The following FAM110B variants were observed in gnomAD, a reference collection of about 807,000 sequenced individuals.
The protein encoded by FAM110B is protein FAM110B.
Under a neutral mutation model 20.4 loss-of-function variants are expected in FAM110B, and 6 were observed. The ratio of observed to expected loss-of-function variants is 0.29; its 90% CI spans 0.16 to 0.58. FAM110B has a LOEUF of 0.58. Ranked by LOEUF, FAM110B falls within the 20% of genes least tolerant of loss-of-function variation. FAM110B has a pLI of 0.90. For synonymous variants in FAM110B, 226 were observed against 214.1 expected (o/e 1.06, Z -0.49); for missense variants, 434 against 498.2 (o/e 0.87, Z 1.23).
chr8:58,074,319 C>T lies in FAM110B; in HGVS notation c.-413-1216C>T, dbSNP rs138853822. ...CCTGTCCATGCCACCTGCTTTCCAT[C>T]GGTGGGCCCGTCCATTGCCACACAG... On this transcript the variant is annotated intron_variant, in intron 2 of 3. Coordinates refer to ENST00000519262, the MANE Select transcript of FAM110B (RefSeq NM_001377989.1). Among the ~76,000 whole-genome samples, 451 of 152,252 alleles carry T rather than the reference C, an allele frequency of 3.0e-3. 7 individuals are homozygous for T. Among genetic ancestry groups the T allele is most frequent in the African/African-American group, 9.8e-3 (406 of 41,552 alleles).
chr8:57,995,092 G>C (rs1563491264), intron 1 of FAM110B, among the ~76,000 whole-genome samples: 1 of 152,114 alleles, frequency 6.6e-6, no homozygotes, highest in Non-Finnish European at 1.5e-5. Flanking sequence ...TTGGCTGCAC[G>C]TCCCGGGCTC....
chr8:58,116,322 A>G (rs1245919471), intron 3 of FAM110B, among the ~76,000 whole-genome samples: 1 of 152,136 alleles, frequency 6.6e-6, no homozygotes, highest in African/African-American at 2.4e-5. Flanking sequence ...CCTGGATGCA[A>G]AACCTCACAG....
chr8:58,093,032 G>A (rs2150604723), intron 3 of FAM110B, among the ~76,000 whole-genome samples: 2 of 152,250 alleles, frequency 1.3e-5, no homozygotes, highest in Middle Eastern at 3.4e-3. Flanking sequence ...TTTTTTGGCT[G>A]CATAAATGTC....
intron 3 of FAM110B, among the ~76,000 whole-genome samples, chr8:58,086,596 C>T (rs13254335): frequency 0.021 from 3,234 of 152,252 alleles, 48 homozygotes; most frequent in Middle Eastern, 0.041. Context: ...TGGCACTTAA[C>T]GTTACGCATA....
chr8:58,135,216 C>A (rs1396356888), intron 3 of FAM110B, among the ~76,000 whole-genome samples: 1 of 152,088 alleles, frequency 6.6e-6, no homozygotes, highest in African/African-American at 2.4e-5. Flanking sequence ...GGGATAACAA[C>A]ACTTGGTTTA....
chr8:58,035,418 G>GA (rs1458108368), intron 2 of FAM110B, among the ~76,000 whole-genome samples: 1 of 152,146 alleles, frequency 6.6e-6, no homozygotes, highest in South Asian at 2.1e-4. Flanking sequence ...GTATATTAGA[G>GA]AATTTTCTTA....
intron 3 of FAM110B, among the ~76,000 whole-genome samples, chr8:58,129,809 AC>A: frequency 6.6e-6 from 1 of 152,162 alleles, no homozygotes. Flanking sequence ...TTCCGCTCTT[AC>A]TTTTTTCATC....
intron 1 of FAM110B, among the ~76,000 whole-genome samples, chr8:58,017,168 C>T (rs148060915): frequency 2.6e-4 from 40 of 152,298 alleles, no homozygotes; most frequent in Non-Finnish European, 5.1e-4. Context: ...GCCCATCATG[C>T]ATGTTTTCTT....
chr8:58,001,078 G>A (rs919513918), intron 1 of FAM110B, among the ~76,000 whole-genome samples: 11 of 152,158 alleles, frequency 7.2e-5, no homozygotes, highest in South Asian at 2.1e-4. Flanking sequence ...GTTTTATAAT[G>A]TTTTGGTAAA....
intron 1 of FAM110B, among the ~76,000 whole-genome samples, chr8:58,010,650 C>T (rs1804513281): frequency 1.3e-5 from 2 of 152,276 alleles, no homozygotes; most frequent in African/African-American, 4.8e-5. Context: ...TAAATGAAAC[C>T]ATAGTCCCTG....
chr8:58,104,317 G>C (rs945994787), intron 3 of FAM110B, among the ~76,000 whole-genome samples: 3 of 152,130 alleles, frequency 2.0e-5, no homozygotes, highest in Admixed American at 1.3e-4. Flanking sequence ...GAGCACCTGA[G>C]AGCAGCTAAG....
intron 3 of FAM110B, among the ~76,000 whole-genome samples, chr8:58,086,405 C>A (rs1239961877): frequency 7.2e-5 from 11 of 152,190 alleles, no homozygotes; most frequent in Non-Finnish European, 1.2e-4. Context: ...ATTAATAATA[C>A]TTCATGTTAT....
chr8:58,075,866 C>T (rs918458065), intron 3 of FAM110B, among the ~76,000 whole-genome samples: 3 of 152,316 alleles, frequency 2.0e-5, no homozygotes, highest in South Asian at 4.1e-4. Flanking sequence ...TCATGATACA[C>T]CTTCTACATA....
chr8:58,047,172 A>G (rs1268780767), intron 2 of FAM110B, among the ~76,000 whole-genome samples: 1 of 152,218 alleles, frequency 6.6e-6, no homozygotes, highest in Non-Finnish European at 1.5e-5. Flanking sequence ...TTCCTATGAA[A>G]ACAGTGAAGA....
intron 3 of FAM110B, among the ~76,000 whole-genome samples, chr8:58,076,785 C>T (rs1164207666): frequency 6.6e-6 from 1 of 152,186 alleles, no homozygotes; most frequent in Non-Finnish European, 1.5e-5. Flanking sequence ...GAGCCTCAGC[C>T]TCAGTGCCCA....
intron 3 of FAM110B, among the ~76,000 whole-genome samples, chr8:58,085,649 C>A (rs553115828): frequency 6.6e-6 from 1 of 152,278 alleles, no homozygotes; most frequent in East Asian, 1.9e-4. Flanking sequence ...ATAAGGAATG[C>A]TGGAATACCT....
chr8:58,035,606 G>A (rs566954083), intron 2 of FAM110B, among the ~76,000 whole-genome samples: 238 of 152,274 alleles, frequency 1.6e-3, no homozygotes, highest in African/African-American at 4.9e-3. Context: ...CCCAGGCCTG[G>A]CATTAAGCAT....
intron 2 of FAM110B, among the ~76,000 whole-genome samples, chr8:58,073,076 AT>A (rs1378717739): frequency 2.0e-5 from 3 of 152,214 alleles, no homozygotes; most frequent in Non-Finnish European, 4.4e-5. Context: ...TTGGAAAAAT[AT>A]GTAAAGAGAT....
chr8:58,033,112 A>G lies in FAM110B; in HGVS notation c.-414+1409A>G, dbSNP rs542131578. Among the ~76,000 whole-genome samples the G allele has an allele frequency of 6.6e-5, 10 of 151,964 alleles. No homozygotes were observed. In the East Asian group the frequency reaches 1.6e-3, roughly 24 times the overall value. On this transcript the variant is annotated intron_variant, in intron 2 of 3. Transcript: ENST00000519262. ...GCCTTTTGCTCCCATTTTTATATCC[A>G]TGTGTACTCAATGTTTAGCTCCTAC...
Sources: allele counts gnomAD v4.1 joint callset (sites outside exome capture counted in the v4.1 genomes callset), GRCh38; gene constraint gnomAD v4.1.1; transcripts MANE v1.5; gene names NCBI Gene and HGNC (gene_info 2026-07-23, HGNC 2026-07-21).